Variants in CUX2 observed in about 807,000 individuals in gnomAD.
The protein encoded by CUX2 is homeobox protein cut-like 2.
CUX2 carries 40 observed loss-of-function variants against 144.8 expected under a neutral mutation model. The observed-to-expected ratio is 0.28, with a 90% CI of 0.21 to 0.36. The LOEUF (loss-of-function observed/expected upper bound fraction) is 0.36. Among genes scored for constraint, CUX2 ranks in the 10% least tolerant of loss-of-function variants. The pLI is 1.00. For missense variants in CUX2, 1,615 were observed against 1,994.0 expected, an observed-to-expected ratio of 0.81 and a Z score of 3.62; for synonymous variants, 827 against 875.6, an observed-to-expected ratio of 0.94 and a Z score of 0.98.
At chr12:111,187,039 G>A (rs1255659508) in intron 1 of CUX2, among the ~76,000 whole-genome samples, 2 of 152,184 alleles carry the variant, frequency 1.3e-5, no homozygotes, top group African/African-American at 4.8e-5. Flanking sequence ...TCGGCCTCCT[G>A]AAGTGCTGGG....
rs760176692 is a variant in CUX2, at chr12:111,341,761, C to T, written c.3386-19C>T. The T allele has an allele frequency of 2.3e-5, 36 of 1,560,962 alleles. No individual in the cohort carries two copies. Among genetic ancestry groups the T allele is most frequent in the African/African-American group, 4.1e-5 (3 of 73,738 alleles). On this transcript the variant is annotated intron_variant, in intron 20 of 21. Transcript: ENST00000261726. ...ATGGGGACACCACCTCTCAGCCCTCCCTCTCTTCCTGGCCCCAGCCTACCT... is the reference window on the plus strand; with the variant it reads ...ATGGGGACACCACCTCTCAGCCCTCTCTCTCTTCCTGGCCCCAGCCTACCT...
intron 9 of CUX2, among the ~76,000 whole-genome samples, chr12:111,299,225 GC>G (rs1413954966): frequency 6.6e-6 from 1 of 152,244 alleles, no homozygotes; most frequent in Non-Finnish European, 1.5e-5. Flanking sequence ...ATGCCCACCC[GC>G]CCTGAGGTCT....
At chr12:111,207,548 G>C (rs1378818788) in intron 1 of CUX2, among the ~76,000 whole-genome samples, 1 of 152,142 alleles carries the variant, frequency 6.6e-6, no homozygotes, top group African/African-American at 2.4e-5. Context: ...TTGGATTTGG[G>C]GGGTTGGTGA....
intron 1 of CUX2, among the ~76,000 whole-genome samples, chr12:111,159,830 G>A (rs1192694387): frequency 6.6e-6 from 1 of 152,180 alleles, no homozygotes; most frequent in Non-Finnish European, 1.5e-5. Context: ...TTTGAGACCA[G>A]CCTGGCCAAC....
intron 1 of CUX2, among the ~76,000 whole-genome samples, chr12:111,196,909 A>G (rs1880274350): frequency 6.6e-6 from 1 of 152,194 alleles, no homozygotes; most frequent in Non-Finnish European, 1.5e-5. Flanking sequence ...GCAGAGTTCA[A>G]ACCTTTTAAT....
At chr12:111,137,323 T>C (rs1464115707) in intron 1 of CUX2, among the ~76,000 whole-genome samples, 1 of 152,168 alleles carries the variant, frequency 6.6e-6, no homozygotes, top group Middle Eastern at 3.2e-3. Flanking sequence ...CAAGTTGGTC[T>C]TAGTGCTGTC....
intron 3 of CUX2, among the ~76,000 whole-genome samples, chr12:111,254,069 T>A (rs141980513): frequency 6.6e-6 from 1 of 152,190 alleles, no homozygotes; most frequent in East Asian, 1.9e-4. Context: ...ACCCTTGGGA[T>A]GCCCACTGGC....
chr12:111,198,365 C>T lies in CUX2; in HGVS notation c.64-15835C>T, dbSNP rs1880369865. On this transcript the variant is annotated intron_variant, in intron 1 of 21. Coordinates refer to ENST00000261726, the MANE Select transcript of CUX2 (RefSeq NM_015267.4). ...TGGTGAACACCTGTAATCCTAGCTACTCAGGAGGCTGAGGTGGGAGAATCG... is the reference window on the plus strand; with the variant it reads ...TGGTGAACACCTGTAATCCTAGCTATTCAGGAGGCTGAGGTGGGAGAATCG... 1.3e-5 allele frequency among the ~76,000 whole-genome samples: 2 copies of T among 151,826 alleles called. 1 individual carries two copies. Among genetic ancestry groups the T allele is most frequent in the South Asian group, 4.1e-4 (2 of 4,820 alleles).
At chr12:111,121,123 C>T (rs1490754349) in intron 1 of CUX2, among the ~76,000 whole-genome samples, 1 of 145,484 alleles carries the variant, frequency 6.9e-6, no homozygotes, top group East Asian at 2.0e-4. Flanking sequence ...AAAAAAACAA[C>T]CCACAACTAA....
chr12:111,148,647 A>G (rs1159107474), intron 1 of CUX2, among the ~76,000 whole-genome samples: 1 of 152,216 alleles, frequency 6.6e-6, no homozygotes. Flanking sequence ...CGTACGTGAC[A>G]CAAAGTATCT....
chr12:111,214,139 AAAG>A (rs1170017085), intron 1 of CUX2, 58 bp from the exon 2 acceptor site: 8 of 1,158,540 alleles, frequency 6.9e-6, no homozygotes, highest in African/African-American at 4.8e-5. Context: ...AAAAGGAAAA[AAAG>A]AAGAAAAATC....
intron 1 of CUX2, among the ~76,000 whole-genome samples, chr12:111,065,347 T>A (rs1870974811): frequency 6.6e-6 from 1 of 152,252 alleles, no homozygotes; most frequent in Non-Finnish European, 1.5e-5. Context: ...TTGGTTTGTT[T>A]GTTTGAGACG....
chr12:111,052,869 C>T (rs1227671759), intron 1 of CUX2, among the ~76,000 whole-genome samples: 1 of 152,200 alleles, frequency 6.6e-6, no homozygotes, highest in Non-Finnish European at 1.5e-5. Context: ...ATGGCCACTG[C>T]AGAGTTGATC....
At chr12:111,055,281 T>G (rs111242143) in intron 1 of CUX2, among the ~76,000 whole-genome samples, 6,034 of 152,134 alleles carry the variant, frequency 0.04, 415 homozygotes, top group African/African-American at 0.14. Context: ...GATGTCAGAG[T>G]CCCAGAGGCC....
intron 18 of CUX2, among the ~76,000 whole-genome samples, chr12:111,325,745 T>G (rs1183544677): frequency 1.5e-4 from 1 of 6,738 alleles, no homozygotes; most frequent in Non-Finnish European, 2.2e-4. Context: ...GAGGGGTGGG[T>G]TTTGTTTATA....
rs571351818 is a variant in CUX2, at chr12:111,054,816, G to A, written c.63+20576G>A. Among the ~76,000 whole-genome samples, 12 of 152,180 alleles carry A rather than the reference G, an allele frequency of 7.9e-5. No homozygotes were observed. The South Asian group carries it at 2.1e-3, about 26-fold the overall frequency. ...TAATTTTTGTATTTTTAGTAGAGACGAAGTTTCACCATGTTGGCCAGGCTG... is the reference window on the plus strand; with the variant it reads ...TAATTTTTGTATTTTTAGTAGAGACAAAGTTTCACCATGTTGGCCAGGCTG... On this transcript the variant is annotated intron_variant, in intron 1 of 21. Coordinates refer to ENST00000261726, the MANE Select transcript of CUX2 (RefSeq NM_015267.4).
chr12:111,257,730 C>G lies in CUX2; in HGVS notation c.223-6031C>G, dbSNP rs1011755162. 4.2e-5 allele frequency among the ~76,000 whole-genome samples: 6 copies of G among 144,470 alleles called. No individual in the cohort carries two copies. In the Admixed American group the frequency reaches 4.2e-4, roughly 10 times the overall value. 94.8% of individuals were successfully genotyped at this position (144,470 alleles called of 152,430 possible). On this transcript the variant is annotated intron_variant, in intron 3 of 21. Transcript: ENST00000261726. ...CATTCTCCATCTTCCTCCTCTTCCT[C>G]TTCCTCCTCTTTCTTCTCCTCTTCC...
chr12:111,262,278 T>A (rs1221553870), intron 3 of CUX2, among the ~76,000 whole-genome samples: 1 of 152,160 alleles, frequency 6.6e-6, no homozygotes, highest in African/African-American at 2.4e-5. Context: ...CAGGAAACAT[T>A]TGTTGAGGGA....
Position 111,307,047 on chromosome 12 carries a change from G to A in CUX2, c.985G>A (p.Glu329Lys). ...HLQSSLQELE[E>K]ASANQIADLE... ...CCAGAGCTCACTGCAGGAGCTGGAG[G>A]AGGCATCCGCCAACCAGATCGCCGA... Residue 329 changes from glutamate to lysine, a missense_variant, in exon 11 of 22, where the codon GAG (glutamate) becomes AAG (lysine). Glu to Lys is a moderately conservative substitution (Grantham distance 56, BLOSUM62 1). This residue lies in a region of CUX2 where 295 missense variants were observed against 400.2 expected (regional missense o/e 0.74). Coordinates refer to ENST00000261726, the MANE Select transcript of CUX2 (RefSeq NM_015267.4). The surrounding 1 kb of genome is among the most constrained non-coding windows in gnomAD (Gnocchi z 4.1). The A allele has an allele frequency of 1.2e-6, 2 of 1,613,748 alleles. No individual in the cohort carries two copies. Among genetic ancestry groups the A allele is most frequent in the Non-Finnish European group, 1.7e-6 (2 of 1,179,794 alleles).
Sources: gnomAD v4.1 joint callset for allele counts (sites outside exome capture counted in the v4.1 genomes callset) on GRCh38, gnomAD v4.1.1 for gene constraint, gnomAD v4.1.1 regional missense constraint, Gnocchi (gnomAD v3.1) non-coding constraint, MANE v1.5 for transcripts, NCBI Gene and HGNC (gene_info 2026-07-23, HGNC 2026-07-21) for gene names.